CP: variants seen among roughly 807,000 people sequenced by gnomAD.
The protein encoded by CP is ceruloplasmin.
CP carries 64 observed loss-of-function variants against 122.4 expected under a neutral mutation model. The observed-to-expected ratio is 0.52, with a 90% CI of 0.43 to 0.64. CP has a LOEUF of 0.64. Among genes scored for constraint, CP ranks in the 30% least tolerant of loss-of-function variants. The pLI, the probability that CP is intolerant of heterozygous loss-of-function variation, is 0.00. For synonymous variants in CP, 440 were observed against 436.4 expected (o/e 1.01, Z -0.10); for missense variants, 1,167 against 1,284.4 (o/e 0.91, Z 1.40).
intron 6 of CP, among the ~76,000 whole-genome samples, chr3:149,205,188 TAA>T (rs1245771385): frequency 1.4e-5 from 2 of 141,006 alleles, no homozygotes; most frequent in African/African-American, 5.2e-5. Flanking sequence ...TGGTTATTAT[TAA>T]AAAAAAAAAC....
chr3:149,184,548 C>T (rs1726025887), intron 12 of CP, among the ~76,000 whole-genome samples: 1 of 152,142 alleles, frequency 6.6e-6, no homozygotes, highest in South Asian at 2.1e-4. Context: ...GTGGTCAGCG[C>T]ATGATGTAAG....
At chr3:149,191,625 A>G (rs888592503) in intron 9 of CP, among the ~76,000 whole-genome samples, 1 of 149,994 alleles carries the variant, frequency 6.7e-6, no homozygotes, top group Non-Finnish European at 1.5e-5. Context: ...ACCCATCATA[A>G]TAAGGCAAGA....
chr3:149,191,017 G>A (rs988396904), intron 9 of CP, among the ~76,000 whole-genome samples: 1 of 152,038 alleles, frequency 6.6e-6, no homozygotes, highest in Non-Finnish European at 1.5e-5. Flanking sequence ...TAATGTAGCT[G>A]GTCATATTTA....
At chr3:149,203,720 A>G (rs527471344) in intron 6 of CP, among the ~76,000 whole-genome samples, 3 of 152,326 alleles carry the variant, frequency 2.0e-5, no homozygotes, top group African/African-American at 7.2e-5. Flanking sequence ...TGACAAATGC[A>G]TCAAACACCT....
At chr3:149,214,231 G>A (rs372238725) in intron 1 of CP, among the ~76,000 whole-genome samples, 5 of 152,286 alleles carry the variant, frequency 3.3e-5, no homozygotes, top group East Asian at 3.9e-4. Flanking sequence ...GGACCTCTGC[G>A]GTGGAGGCTA....
chr3:149,173,601 T>G lies in CP; in HGVS notation c.*113A>C. The G allele has an allele frequency of 1.3e-6, 1 of 747,634 alleles. No individual in the cohort carries two copies. The highest frequency in any genetic ancestry group is 1.8e-5 in the South Asian group (1 of 57,090). The allele number at this position is 747,634 out of a possible 1,614,324, so 46.3% of individuals were successfully genotyped here. On this transcript the variant is annotated 3_prime_UTR_variant, in exon 19 of 19. Transcript: ENST00000264613. Reference sequence around the variant, plus strand: ...TGTACAAAGTTGTATGCTTCCAGTCTTCTTTTAATGTTTATAGTCATTCCA... The same window carrying G: ...TGTACAAAGTTGTATGCTTCCAGTCGTCTTTTAATGTTTATAGTCATTCCA...
intron 4 of CP, among the ~76,000 whole-genome samples, chr3:149,208,371 T>G (rs1163163066): frequency 6.6e-6 from 1 of 152,194 alleles, no homozygotes; most frequent in Non-Finnish European, 1.5e-5. Flanking sequence ...GAGTATCTTT[T>G]TATAACAACT....
At chr3:149,195,727 G>A (rs559506919) in intron 9 of CP, among the ~76,000 whole-genome samples, 1 of 152,192 alleles carries the variant, frequency 6.6e-6, no homozygotes, top group East Asian at 1.9e-4. Context: ...TTAGCTGGGC[G>A]TGGTGGCGGG....
At chr3:149,213,026 T>G (rs1004644437) in intron 1 of CP, among the ~76,000 whole-genome samples, 2 of 152,208 alleles carry the variant, frequency 1.3e-5, no homozygotes, top group African/African-American at 2.4e-5. Context: ...AATACAAAAT[T>G]AAGTTGAAAT....
intron 13 of CP, among the ~76,000 whole-genome samples, chr3:149,182,493 C>T (rs1725851036): frequency 6.6e-6 from 1 of 152,048 alleles, no homozygotes; most frequent in Admixed American, 6.5e-5. Context: ...GCAACAATGC[C>T]ATTTTGCCTT....
chr3:149,198,679 G>A, intron 8 of CP, 101 bp from the exon 9 acceptor site: 1 of 967,300 alleles, frequency 1.0e-6, no homozygotes, highest in Non-Finnish European at 1.6e-6. Flanking sequence ...CCACTTCTGA[G>A]TTCTTTGTTA....
At chr3:149,201,403 G>A (rs1250515261) in intron 7 of CP, among the ~76,000 whole-genome samples, 2 of 152,152 alleles carry the variant, frequency 1.3e-5, no homozygotes, top group East Asian at 3.9e-4. Flanking sequence ...TTACAGGCGT[G>A]AGCCACCACG....
rs1456303777 is a variant in CP at position 149,202,240 on chromosome 3, C to G, written c.1210G>C (p.Asp404His). 6.2e-6 allele frequency: 10 copies of G among 1,614,134 alleles called. No individual in the cohort carries two copies. Among genetic ancestry groups the G allele is most frequent in the East Asian group, 2.2e-5 (1 of 44,880 alleles). ...TKENLTAPGS[D>H]SAVFFEQGTT... ...CCTTGTTCAAAAAACACCGCTGAGTCACTGCAGGGGGAAAAAAGTGTTTAA... is the reference window on the plus strand; with the variant it reads ...CCTTGTTCAAAAAACACCGCTGAGTGACTGCAGGGGGAAAAAAGTGTTTAA... Residue 404 changes from aspartate to histidine, a missense_variant and splice_region_variant, in exon 7 of 19, where the codon GAC (aspartate) becomes CAC (histidine). Asp to His is a moderately conservative substitution (Grantham distance 81, BLOSUM62 -1). Around this residue, in one of 2 missense-constraint regions of CP, gnomAD observed 642 missense variants for 627.3 expected, o/e 1.02. Transcript: ENST00000264613.
Position 149,182,001 on chromosome 3 carries a change from G to A in CP, c.2554+4C>T. 8.5e-7 allele frequency: 1 copy of A among 1,171,948 alleles called. No individual in the cohort carries two copies. The highest frequency in any genetic ancestry group is 1.1e-6 in the Non-Finnish European group (1 of 903,480). The allele number at this position is 1,171,948 out of a possible 1,614,324, so 72.6% of individuals were successfully genotyped here. A position where few individuals can be genotyped will look rare whatever the true frequency, so the allele number is the denominator to read the frequency against. On this transcript the variant is annotated splice_donor_region_variant and intron_variant, in intron 14 of 18. Transcript: ENST00000264613. ...ACCACCCCCACCCCCGCCCCCGTGA[G>A]TACCTGGTAATGTTGGAGTAACTGT...
rs1189678207 is a variant in CP at position 149,212,479 on chromosome 3, A to G, written c.366T>C (p.His122=). 2 of 1,613,992 alleles carry G rather than the reference A, an allele frequency of 1.2e-6. 1 individual carries two copies. Among genetic ancestry groups the G allele is most frequent in the South Asian group, 2.2e-5 (2 of 91,060 alleles). The change falls in exon 2 of 19, where the codon CAT becomes CAC. Residue 122 remains histidine, a synonymous_variant. Coordinates refer to ENST00000264613, the MANE Select transcript of CP (RefSeq NM_000096.4). ...CATGTTCCTTATAGTAAGTTATTCC[A>G]TGTGAATGAAAGGTGTAGGGCCTAG... ...LASRPYTFHS[H]GITYYKEHEG... is the part of the protein sequence containing the mutation.
rs533209608 is a variant in CP, at chr3:149,210,798, G to C, written c.395-419C>G. Among the ~76,000 whole-genome samples the C allele has an allele frequency of 4.6e-5, 7 of 152,204 alleles. 1 individual carries two copies. In the South Asian group the frequency reaches 1.5e-3, roughly 32 times the overall value. On this transcript the variant is annotated intron_variant, in intron 2 of 18. Coordinates refer to ENST00000264613, the MANE Select transcript of CP (RefSeq NM_000096.4). ...ATTTCCAAACACACACAAAGGTTGAGAGAAGAAAATGCTGAACCTCTGTGT... is the reference window on the plus strand; with the variant it reads ...ATTTCCAAACACACACAAAGGTTGACAGAAGAAAATGCTGAACCTCTGTGT...
intron 18 of CP, among the ~76,000 whole-genome samples, chr3:149,175,634 C>CA (rs1175535138): frequency 3.4e-5 from 5 of 145,482 alleles, no homozygotes; most frequent in South Asian, 2.1e-4. Context: ...GGAATCTTAC[C>CA]AAAAAAACTG....
intron 5 of CP, chr3:149,165,820 T>A (rs1361025148): frequency 3.0e-6 from 1 of 338,698 alleles, no homozygotes; most frequent in African/African-American, 2.2e-5. Context: ...GGTAATCTAT[T>A]TTCTCCCATG....
intron 1 of CP, among the ~76,000 whole-genome samples, chr3:149,218,907 C>T (rs1000527508): frequency 1.3e-5 from 2 of 152,186 alleles, no homozygotes; most frequent in African/African-American, 2.4e-5. Flanking sequence ...CACTCTTTCA[C>T]ATCTTATTCT....
Sources: gnomAD v4.1 joint callset for allele counts (sites outside exome capture counted in the v4.1 genomes callset) on GRCh38, gnomAD v4.1.1 for gene constraint, gnomAD v4.1.1 regional missense constraint, MANE v1.5 for transcripts, NCBI Gene and HGNC (gene_info 2026-07-23, HGNC 2026-07-21) for gene names.